Variants in FBXL7 observed in about 807,000 individuals in gnomAD.
FBXL7 encodes F-box/LRR-repeat protein 7.
In FBXL7, 12 loss-of-function variants were observed where a neutral mutation model predicts 38.3. The ratio of observed to expected loss-of-function variants is 0.31; its 90% CI spans 0.20 to 0.51. The LOEUF (loss-of-function observed/expected upper bound fraction) is 0.51. Ranked by LOEUF, FBXL7 falls within the 20% of genes least tolerant of loss-of-function variation. The pLI, the probability that FBXL7 is intolerant of heterozygous loss-of-function variation, is 0.98. For missense variants in FBXL7, 567 were observed against 676.4 expected (o/e 0.84, Z 1.79); for synonymous variants, 297 against 300.9 (o/e 0.99, Z 0.13).
chr5:15,762,628 G>T (rs1450198975), intron 2 of FBXL7, among the ~76,000 whole-genome samples: 2 of 152,158 alleles, frequency 1.3e-5, no homozygotes, highest in Non-Finnish European at 2.9e-5. Context: ...TCTGTAAAAA[G>T]AGGATAAAAG....
At chr5:15,783,943 A>C (rs1029874485) in intron 2 of FBXL7, among the ~76,000 whole-genome samples, 1 of 152,176 alleles carries the variant, frequency 6.6e-6, no homozygotes, top group Non-Finnish European at 1.5e-5. Flanking sequence ...GTAAACATGG[A>C]TGTGGGGCAT....
intron 2 of FBXL7, among the ~76,000 whole-genome samples, chr5:15,924,112 A>G (rs1741817389): frequency 1.3e-5 from 2 of 152,226 alleles, no homozygotes; most frequent in Admixed American, 1.3e-4. Context: ...GGTGGGTACC[A>G]TGGTAACTTG....
chr5:15,777,583 G>T (rs891749155), intron 2 of FBXL7, among the ~76,000 whole-genome samples: 8 of 151,572 alleles, frequency 5.3e-5, no homozygotes, highest in Admixed American at 1.3e-4. Context: ...TCCACATGGC[G>T]CAGTTTTGAA....
chr5:15,604,478 T>C (rs73068992), intron 1 of FBXL7, among the ~76,000 whole-genome samples: 29,028 of 152,094 alleles, frequency 0.19, 2,888 homozygotes, highest in Admixed American at 0.21. Context: ...CCACAGCCTC[T>C]GGAGTAGCTA....
At chr5:15,867,741 C>G (rs1051156583) in intron 2 of FBXL7, among the ~76,000 whole-genome samples, 1 of 152,168 alleles carries the variant, frequency 6.6e-6, no homozygotes, top group African/African-American at 2.4e-5. Context: ...AGAAGAAACA[C>G]AACCACAACA....
At chr5:15,615,305 C>T (rs1268269392) in intron 1 of FBXL7, among the ~76,000 whole-genome samples, 4 of 152,240 alleles carry the variant, frequency 2.6e-5, no homozygotes, top group South Asian at 4.1e-4. Context: ...TTGTGGCGGC[C>T]GACCTGTGCA....
intron 2 of FBXL7, among the ~76,000 whole-genome samples, chr5:15,831,716 C>T (rs925856928): frequency 6.6e-6 from 1 of 152,020 alleles, no homozygotes; most frequent in Non-Finnish European, 1.5e-5. Flanking sequence ...AGAGAAAATT[C>T]CCCTTTTCAG....
At chr5:15,886,759 A>T (rs1018659812) in intron 2 of FBXL7, among the ~76,000 whole-genome samples, 6 of 152,194 alleles carry the variant, frequency 3.9e-5, no homozygotes, top group Admixed American at 2.0e-4. Context: ...AAATCTGACA[A>T]AACTTTGGAA....
intron 1 of FBXL7, chr5:15,580,782 T>C: frequency 1.0e-6 from 1 of 985,434 alleles, no homozygotes; most frequent in Non-Finnish European, 1.2e-6. Context: ...TCAAGGGTCC[T>C]GGCTGCTCAT....
intron 2 of FBXL7, among the ~76,000 whole-genome samples, chr5:15,828,337 T>G (rs1474599822): frequency 6.6e-6 from 1 of 152,212 alleles, no homozygotes; most frequent in African/African-American, 2.4e-5. Context: ...GACATAGTAT[T>G]TCTTTAGTAT....
chr5:15,687,797 G>A (rs546932957), intron 2 of FBXL7, among the ~76,000 whole-genome samples: 25 of 152,182 alleles, frequency 1.6e-4, no homozygotes, highest in African/African-American at 5.8e-4. Flanking sequence ...TCTAGCACCC[G>A]TGTCTATGTA....
At chr5:15,662,301 GAA>G (rs1411143267) in intron 2 of FBXL7, among the ~76,000 whole-genome samples, 5 of 152,102 alleles carry the variant, frequency 3.3e-5, no homozygotes, top group Non-Finnish European at 4.4e-5. Context: ...GTCTTCTTTT[GAA>G]AAGTGTCCGT....
rs572737258 is a variant in FBXL7 at position 15,731,089 on chromosome 5, G to A, written c.127+115017G>A. On this transcript the variant is annotated intron_variant, in intron 2 of 3. Coordinates refer to ENST00000504595, the MANE Select transcript of FBXL7 (RefSeq NM_012304.5). Reference sequence around the variant, plus strand: ...CAGTTTGGACCCCAGAGACATAACCGTCTGAGTACATTCTTGTTAGCAAGA... The same window carrying A: ...CAGTTTGGACCCCAGAGACATAACCATCTGAGTACATTCTTGTTAGCAAGA... Among the ~76,000 whole-genome samples the A allele has an allele frequency of 1.4e-4, 21 of 152,248 alleles. No individual in the cohort carries two copies. In the South Asian group the frequency reaches 2.3e-3, roughly 17 times the overall value.
intron 1 of FBXL7, among the ~76,000 whole-genome samples, chr5:15,556,006 TATCTATCTATC>T (rs1467822890): frequency 1.2e-5 from 1 of 85,312 alleles, no homozygotes; most frequent in Non-Finnish European, 2.6e-5. Context: ...TCTATCTATC[TATCTATCTATC>T]ATCTATCAGT....
At chr5:15,672,557 C>CTTTTTT (rs35987843) in intron 2 of FBXL7, among the ~76,000 whole-genome samples, 8 of 135,146 alleles carry the variant, frequency 5.9e-5, no homozygotes, top group South Asian at 2.4e-4. Context: ...TAATCTTTTT[C>CTTTTTT]TTTTTTTTTT....
At chr5:15,678,939 T>C (rs1485905710) in intron 2 of FBXL7, among the ~76,000 whole-genome samples, 1 of 152,228 alleles carries the variant, frequency 6.6e-6, no homozygotes, top group Non-Finnish European at 1.5e-5. Flanking sequence ...CAAAAGTGCA[T>C]TTGAATATCA....
intron 2 of FBXL7, among the ~76,000 whole-genome samples, chr5:15,781,211 C>G (rs993868561): frequency 6.6e-6 from 1 of 152,090 alleles, no homozygotes; most frequent in Non-Finnish European, 1.5e-5. Context: ...GGAGGTTTTA[C>G]TGCTCTAAAG....
chr5:15,607,547 T>C (rs1355471986), intron 1 of FBXL7, among the ~76,000 whole-genome samples: 16 of 152,072 alleles, frequency 1.1e-4, no homozygotes, highest in Non-Finnish European at 1.9e-4. Context: ...ATGGGAATTC[T>C]TAAATTAAAA....
chr5:15,667,802 A>T (rs1742335269), intron 2 of FBXL7, among the ~76,000 whole-genome samples: 1 of 151,886 alleles, frequency 6.6e-6, no homozygotes. Context: ...TGTGCTCCAT[A>T]TTATTTTCTT....
Sources: allele counts gnomAD v4.1 joint callset (sites outside exome capture counted in the v4.1 genomes callset), GRCh38; gene constraint gnomAD v4.1.1; transcripts MANE v1.5; gene names NCBI Gene and HGNC (gene_info 2026-07-23, HGNC 2026-07-21).